JPH1: variants seen among roughly 807,000 people sequenced by gnomAD.
The protein encoded by JPH1 is junctophilin 1.
A neutral mutation model predicts 53.6 loss-of-function variants in JPH1; 12 were observed. The ratio of observed to expected loss-of-function variants is 0.22; its 90% CI spans 0.14 to 0.36. The LOEUF (loss-of-function observed/expected upper bound fraction) is 0.36, where lower values mean the gene tolerates loss of function less well. Among genes scored for constraint, JPH1 ranks in the 10% least tolerant of loss-of-function variants. The pLI is 1.00. For missense variants in JPH1, 808 were observed against 905.5 expected (o/e 0.89, Z 1.38); for synonymous variants, 375 against 363.8 (o/e 1.03, Z -0.35).
intron 2 of JPH1, among the ~76,000 whole-genome samples, chr8:74,313,948 T>C (rs974655618): frequency 1.3e-5 from 2 of 152,198 alleles, no homozygotes; most frequent in African/African-American, 4.8e-5. Context: ...CCCAATAGAT[T>C]TTTCCATCCC....
intron 2 of JPH1, among the ~76,000 whole-genome samples, chr8:74,288,700 C>T (rs1261262218): frequency 6.6e-6 from 1 of 152,204 alleles, no homozygotes; most frequent in Non-Finnish European, 1.5e-5. Flanking sequence ...GAGATGAATG[C>T]ATGTCATCTT....
At chr8:74,255,374 C>T (rs1275164632) in intron 3 of JPH1, among the ~76,000 whole-genome samples, 1 of 152,048 alleles carries the variant, frequency 6.6e-6, no homozygotes, top group African/African-American at 2.4e-5. Flanking sequence ...CCCTTCCTTA[C>T]ACCTTATACA....
intron 3 of JPH1, among the ~76,000 whole-genome samples, chr8:74,246,777 G>A (rs530947106): frequency 1.3e-5 from 2 of 152,282 alleles, no homozygotes; most frequent in African/African-American, 2.4e-5. Context: ...ATCCACTCCT[G>A]GGGATTCAAG....
At chr8:74,300,265 T>A (rs192621270) in intron 2 of JPH1, among the ~76,000 whole-genome samples, 1 of 152,360 alleles carries the variant, frequency 6.6e-6, no homozygotes, top group East Asian at 1.9e-4. Flanking sequence ...TTGACGTTTA[T>A]ATAAACTATG....
intron 2 of JPH1, among the ~76,000 whole-genome samples, chr8:74,314,204 C>T (rs965375859): frequency 2.0e-5 from 3 of 152,218 alleles, no homozygotes; most frequent in Non-Finnish European, 4.4e-5. Flanking sequence ...ATCTCTTCTG[C>T]ATAGAATGTG....
At chr8:74,293,824 A>G (rs1258661989) in intron 2 of JPH1, among the ~76,000 whole-genome samples, 1 of 152,162 alleles carries the variant, frequency 6.6e-6, no homozygotes, top group Admixed American at 6.6e-5. Context: ...CCAGGCTTGG[A>G]CCACTGCCTG....
intron 2 of JPH1, among the ~76,000 whole-genome samples, chr8:74,298,022 A>C (rs1467460235): frequency 6.6e-6 from 1 of 152,176 alleles, no homozygotes; most frequent in Non-Finnish European, 1.5e-5. Context: ...TCTTCTTTAG[A>C]GATTTCTCTA....
chr8:74,291,416 A>G (rs1297310892), intron 2 of JPH1, among the ~76,000 whole-genome samples: 2 of 152,338 alleles, frequency 1.3e-5, no homozygotes, highest in African/African-American at 4.8e-5. Flanking sequence ...GCAAATGAAA[A>G]CCACAATGAG....
chr8:74,250,039 A>G (rs918959187), intron 3 of JPH1, among the ~76,000 whole-genome samples: 45 of 152,190 alleles, frequency 3.0e-4, no homozygotes, highest in African/African-American at 8.4e-4. Flanking sequence ...TCTTTAACTC[A>G]TGCTCAGCCC....
At chr8:74,262,365 C>T (rs1241944758) in intron 2 of JPH1, among the ~76,000 whole-genome samples, 1 of 152,148 alleles carries the variant, frequency 6.6e-6, no homozygotes, top group Non-Finnish European at 1.5e-5. Context: ...GACACACGAC[C>T]CCTGTAATCA....
At chr8:74,284,038 G>C (rs77030175) in intron 2 of JPH1, among the ~76,000 whole-genome samples, 1,939 of 152,194 alleles carry the variant, frequency 0.013, 37 homozygotes, top group African/African-American at 0.044. Context: ...TCCTTCCCTT[G>C]GACCCAGGAG....
intron 2 of JPH1, among the ~76,000 whole-genome samples, chr8:74,272,637 T>C (rs1387029362): frequency 7.0e-6 from 1 of 143,576 alleles, no homozygotes; most frequent in African/African-American, 2.6e-5. Context: ...GGAGTTTCGC[T>C]CTGTCGCCCA....
intron 4 of JPH1, among the ~76,000 whole-genome samples, chr8:74,243,520 T>C (rs1188738276): frequency 6.6e-6 from 1 of 152,246 alleles, no homozygotes; most frequent in African/African-American, 2.4e-5. Flanking sequence ...TTTAATCCTG[T>C]GAGTAAATCA....
chr8:74,276,960 C>T (rs1806866817), intron 2 of JPH1, among the ~76,000 whole-genome samples: 1 of 152,132 alleles, frequency 6.6e-6, no homozygotes, highest in Non-Finnish European at 1.5e-5. Flanking sequence ...TATAATCGAC[C>T]ATACCATGTA....
chr8:74,314,147 T>C (rs900419063), intron 2 of JPH1, among the ~76,000 whole-genome samples: 1 of 152,184 alleles, frequency 6.6e-6, no homozygotes, highest in African/African-American at 2.4e-5. Flanking sequence ...CCATGTCAGG[T>C]TGTCAGGTTC....
At chr8:74,317,087 G>A (rs1808182379) in intron 1 of JPH1, among the ~76,000 whole-genome samples, 1 of 152,134 alleles carries the variant, frequency 6.6e-6, no homozygotes, top group African/African-American at 2.4e-5. Flanking sequence ...TCCATTGCAT[G>A]GCACATATTC....
chr8:74,234,725 T>A lies in JPH1; in HGVS notation c.*2326A>T, dbSNP rs1268685661. 6.6e-6 allele frequency: 1 copy of A among 152,638 alleles called. No homozygotes were observed. Among genetic ancestry groups the A allele is most frequent in the Non-Finnish European group, 1.5e-5 (1 of 68,034 alleles). 9.5% of individuals were successfully genotyped at this position (152,638 alleles called of 1,614,324 possible). On this transcript the variant is annotated 3_prime_UTR_variant, in exon 6 of 6. Transcript: ENST00000342232. ...TTCATTAATAACCAACTTTTTTTTA[T>A]TAGAGCAGATACAGTTGTGAAAACT...
intron 2 of JPH1, among the ~76,000 whole-genome samples, chr8:74,286,218 C>G (rs1807159612): frequency 6.6e-6 from 1 of 152,186 alleles, no homozygotes; most frequent in African/African-American, 2.4e-5. Context: ...TCCGATGCAA[C>G]TGTCCCTTCC....
intron 1 of JPH1, among the ~76,000 whole-genome samples, chr8:74,316,327 A>T (rs1360021292): frequency 1.3e-5 from 2 of 152,186 alleles, no homozygotes; most frequent in Non-Finnish European, 2.9e-5. Flanking sequence ...TGTGCTTCTA[A>T]GTGAAAAGGC....
Sources: gnomAD v4.1 joint callset for allele counts (sites outside exome capture counted in the v4.1 genomes callset) on GRCh38, gnomAD v4.1.1 for gene constraint, MANE v1.5 for transcripts, NCBI Gene and HGNC (gene_info 2026-07-23, HGNC 2026-07-21) for gene names.